The following AREL1 variants were observed in gnomAD, a reference collection of about 807,000 sequenced individuals.
AREL1 encodes the protein apoptosis-resistant E3 ubiquitin protein ligase 1.
Under a neutral mutation model 99.0 loss-of-function variants are expected in AREL1, and 62 were observed. The ratio of observed to expected loss-of-function variants is 0.63; its 90% CI spans 0.51 to 0.77. AREL1 has a LOEUF of 0.77. AREL1 is among the 30% of genes least tolerant of loss of function. AREL1 has a pLI of 0.00. For synonymous variants in AREL1, 380 were observed against 376.5 expected (o/e 1.01, Z -0.11); for missense variants, 879 against 1,027.6 (o/e 0.86, Z 1.98).
chr14:74,680,197 G>GAAAGA (rs751212708), intron 5 of AREL1, among the ~76,000 whole-genome samples: 41 of 149,358 alleles, frequency 2.7e-4, no homozygotes, highest in African/African-American at 8.6e-4. Context: ...AAAAAAGAAA[G>GAAAGA]AAAGAAAAGA....
At chr14:74,689,691 G>A (rs2089832142) in intron 2 of AREL1, among the ~76,000 whole-genome samples, 1 of 149,458 alleles carries the variant, frequency 6.7e-6, no homozygotes, top group South Asian at 2.1e-4. Flanking sequence ...TCTACCTCTG[G>A]GTTCAAGCGA....
chr14:74,670,514 T>C, intron 13 of AREL1: 1 of 450,812 alleles, frequency 2.2e-6, no homozygotes, highest in Non-Finnish European at 4.0e-6. Context: ...TAATAATTAG[T>C]AGAGTAGACA....
At position 74,713,016 on chromosome 14, in the gene AREL1, C is replaced by G; in HGVS notation, c.-417G>C. 1 of 996,288 alleles carries G rather than the reference C, an allele frequency of 1.0e-6. No individual in the cohort carries two copies. Among genetic ancestry groups the G allele is most frequent in the Non-Finnish European group, 1.6e-6 (1 of 633,634 alleles). The allele number at this position is 996,288 out of a possible 1,614,324, so 61.7% of individuals were successfully genotyped here. On this transcript the variant is annotated 5_prime_UTR_variant, in exon 1 of 20. Transcript: ENST00000356357. ...CAGCACTCAGCAGAAGACGGGCTCCCCACTCTCCCACCAACAGACCCCAGA... is the reference window on the plus strand; with the variant it reads ...CAGCACTCAGCAGAAGACGGGCTCCGCACTCTCCCACCAACAGACCCCAGA...
intron 1 of AREL1, among the ~76,000 whole-genome samples, chr14:74,709,594 G>T (rs539166724): frequency 2.0e-5 from 3 of 152,270 alleles, no homozygotes; most frequent in Non-Finnish European, 4.4e-5. Flanking sequence ...TATCTCTGAG[G>T]TATTCTTACA....
intron 9 of AREL1, 148 bp downstream of exon 9, chr14:74,673,886 G>A (rs2089413259): frequency 1.7e-6 from 1 of 594,266 alleles, no homozygotes; most frequent in Non-Finnish European, 2.9e-6. Flanking sequence ...TTAGTGAGGA[G>A]ATAATGATGC....
rs2089705912 is a variant in AREL1, at chr14:74,684,554, T to C, written c.143A>G (p.Asp48Gly). The C allele has an allele frequency of 6.2e-7, 1 of 1,614,024 alleles. No homozygotes were observed. The highest frequency in any genetic ancestry group is 8.5e-7 in the Non-Finnish European group (1 of 1,180,022). Residue 48 changes from aspartate to glycine, a missense_variant, in exon 4 of 20, where the codon GAC (aspartate) becomes GGC (glycine). Physicochemically the swap from Asp to Gly is moderately conservative, Grantham distance 94. Coordinates refer to ENST00000356357, the MANE Select transcript of AREL1 (RefSeq NM_001039479.2). ...RERRGDRTIYDYVRGNYLDPR... is the reference protein window; with the variant it reads ...RERRGDRTIYGYVRGNYLDPR... ...ATCCAGGTAATTTCCCCGCACGTAG[T>C]CATAAATAGTCCGGTCCCCTCGGCG...
chr14:74,687,530 T>C (rs2089774807), intron 2 of AREL1, among the ~76,000 whole-genome samples: 1 of 152,090 alleles, frequency 6.6e-6, no homozygotes, highest in Non-Finnish European at 1.5e-5. Context: ...GCATAACAAA[T>C]AGCATAAGAT....
chr14:74,676,459 G>A, intron 6 of AREL1, 124 bp downstream of exon 6: 1 of 1,402,066 alleles, frequency 7.1e-7, no homozygotes, highest in Non-Finnish European at 9.8e-7. Context: ...ATTGTCAGAT[G>A]AAGATACAGA....
At chr14:74,684,246 A>G (rs2089697335) in intron 4 of AREL1, among the ~76,000 whole-genome samples, 1 of 152,230 alleles carries the variant, frequency 6.6e-6, no homozygotes, top group African/African-American at 2.4e-5. Context: ...AAAAGGTAAC[A>G]TTAAGCTTTA....
At chr14:74,673,961 G>T in intron 9 of AREL1, 73 bp downstream of exon 9, 1 of 1,359,896 alleles carries the variant, frequency 7.4e-7, no homozygotes, top group Non-Finnish European at 1.0e-6. Flanking sequence ...GTGCTTCTGA[G>T]AAAAAATAAA....
intron 1 of AREL1, among the ~76,000 whole-genome samples, chr14:74,706,809 A>G (rs2090187189): frequency 6.6e-6 from 1 of 152,212 alleles, no homozygotes; most frequent in Non-Finnish European, 1.5e-5. Context: ...CTATGAGGTG[A>G]GCATAGAGGG....
chr14:74,670,192 T>G, intron 13 of AREL1, 66 bp from the exon 14 acceptor site: 2 of 1,458,500 alleles, frequency 1.4e-6, no homozygotes, highest in Non-Finnish European at 9.2e-7. Context: ...GGAAGGACCC[T>G]TCCTTCCCCA....
At chr14:74,698,511 T>C (rs907884306) in intron 1 of AREL1, among the ~76,000 whole-genome samples, 4 of 152,176 alleles carry the variant, frequency 2.6e-5, no homozygotes, top group Admixed American at 2.0e-4. Context: ...TCTTGAGCAT[T>C]TGCTATATAC....
chr14:74,678,227 T>G (rs1368078435), intron 5 of AREL1: 1 of 455,222 alleles, frequency 2.2e-6, no homozygotes, highest in South Asian at 1.6e-5. Flanking sequence ...CTGTGTGACT[T>G]GGCTCACGCC....
At chr14:74,694,300 A>G (rs939195504) in intron 1 of AREL1, among the ~76,000 whole-genome samples, 3 of 152,244 alleles carry the variant, frequency 2.0e-5, no homozygotes, top group Non-Finnish European at 1.5e-5. Context: ...CTATATACGT[A>G]AGCTATAAGA....
chr14:74,663,660 T>C lies in AREL1; in HGVS notation c.*60A>G. 2 of 1,498,718 alleles carry C rather than the reference T, an allele frequency of 1.3e-6. No individual in the cohort carries two copies. Among genetic ancestry groups the C allele is most frequent in the Non-Finnish European group, 1.9e-6 (2 of 1,077,048 alleles). The allele number at this position is 1,498,718 out of a possible 1,614,324, so 92.8% of individuals were successfully genotyped here. A position where few individuals can be genotyped will look rare whatever the true frequency, so the allele number is the denominator to read the frequency against. ...TGTTAGGATCAGTGGTTATGATGTC[T>C]GTAACTTGCGCCCAGAAGCTCCAGA... On this transcript the variant is annotated 3_prime_UTR_variant, in exon 20 of 20. Coordinates refer to ENST00000356357, the MANE Select transcript of AREL1 (RefSeq NM_001039479.2).
intron 12 of AREL1, among the ~76,000 whole-genome samples, 189 bp downstream of exon 12, chr14:74,671,219 A>G (rs2089331489): frequency 6.6e-6 from 1 of 151,602 alleles, no homozygotes; most frequent in Admixed American, 6.6e-5. Flanking sequence ...CATCCTGGCC[A>G]GTAAATACTA....
chr14:74,698,841 T>G (rs1383393524), intron 1 of AREL1: 16 of 202,682 alleles, frequency 7.9e-5, no homozygotes, highest in Non-Finnish European at 1.4e-4. Flanking sequence ...CTGGGTAACA[T>G]AGTGAGATCC....
chr14:74,689,279 C>A (rs1412998744), intron 2 of AREL1, among the ~76,000 whole-genome samples: 1 of 152,104 alleles, frequency 6.6e-6, no homozygotes, highest in Admixed American at 6.5e-5. Context: ...TACCCCTACC[C>A]CACGCTATTC....
Sources: gnomAD v4.1 joint callset for allele counts (sites outside exome capture counted in the v4.1 genomes callset) on GRCh38, gnomAD v4.1.1 for gene constraint, MANE v1.5 for transcripts, NCBI Gene and HGNC (gene_info 2026-07-23, HGNC 2026-07-21) for gene names.